Variants in NKIRAS1 observed in about 807,000 individuals in gnomAD.
NKIRAS1 encodes NF-kappa-B inhibitor-interacting Ras-like protein 1.
In NKIRAS1, 16 loss-of-function variants were observed where a neutral mutation model predicts 19.8. The observed-to-expected ratio is 0.81, with a 90% CI of 0.55 to 1.23. The LOEUF is 1.23. Ranked by LOEUF, NKIRAS1 falls within the 50% of genes most tolerant of loss-of-function variation. The probability of loss-of-function intolerance (pLI) is 0.00; values close to 1 mark genes in which losing one functional copy is unlikely to be tolerated. For synonymous variants in NKIRAS1, 88 were observed against 79.0 expected, an observed-to-expected ratio of 1.11 and a Z score of -0.61; for missense variants, 184 against 220.0, an observed-to-expected ratio of 0.84 and a Z score of 1.04.
chr3:23,920,522 T>G (rs1705018807), upstream of NKIRAS1: 2 of 985,188 alleles, frequency 2.0e-6, no homozygotes, highest in African/African-American at 1.7e-5. Flanking sequence ...GCATTTCTGT[T>G]TGCACCATGT....
chr3:23,939,761 AAAC>A (rs1199924943), intron 1 of NKIRAS1, among the ~76,000 whole-genome samples: 2 of 152,208 alleles, frequency 1.3e-5, no homozygotes, highest in Non-Finnish European at 2.9e-5. Context: ...ACAAACAAAC[AAAC>A]AAAAAACAAA....
In NKIRAS1 at chr3:23,901,019, A is replaced by G. The variant is rs184061112; in HGVS notation, c.125T>C (p.Val42Ala). Residue 42 changes from valine to alanine, a missense_variant, in exon 4 of 5, where the codon GTA becomes GCA. Physicochemically the swap from Val to Ala is moderately conservative, Grantham distance 64 (BLOSUM62 0). Transcript: ENST00000425478. Reference sequence around the variant, plus strand: ...GTCTGTTTCTACTGAAGCCATGTATACATCTTCCATTGTTTCGCAATCTTC... The same window carrying G: ...GTCTGTTTCTACTGAAGCCATGTATGCATCTTCCATTGTTTCGCAATCTTC... Reference protein sequence around the residue: ...GMEDCETMEDVYMASVETDRG... With the variant: ...GMEDCETMEDAYMASVETDRG... The G allele has an allele frequency of 4.3e-6, 7 of 1,614,124 alleles. No homozygotes were observed. In the Admixed American group the frequency reaches 8.3e-5, roughly 19 times the overall value.
chr3:23,914,076 T>C (rs1704043367), intron 1 of NKIRAS1, among the ~76,000 whole-genome samples: 1 of 152,130 alleles, frequency 6.6e-6, no homozygotes. Flanking sequence ...ATAGGCAAGA[T>C]TCAGGGCAGT....
intron 1 of NKIRAS1, among the ~76,000 whole-genome samples, chr3:23,912,616 T>G (rs528002695): frequency 6.6e-6 from 1 of 152,302 alleles, no homozygotes; most frequent in East Asian, 1.9e-4. Flanking sequence ...GCTCAGCCAT[T>G]GTGGAAGACA....
At chr3:23,897,966 A>C (rs931691901) in intron 4 of NKIRAS1, among the ~76,000 whole-genome samples, 1 of 152,208 alleles carries the variant, frequency 6.6e-6, no homozygotes, top group Non-Finnish European at 1.5e-5. Context: ...GGGATTGAAG[A>C]AGCATATGAG....
intron 1 of NKIRAS1, among the ~76,000 whole-genome samples, chr3:23,913,040 C>CAAAAAAA (rs1169515621): frequency 6.3e-5 from 3 of 47,702 alleles, no homozygotes; most frequent in African/African-American, 2.0e-4. Context: ...GACTCCGTCT[C>CAAAAAAA]AAAAAAAAAA....
chr3:23,921,737 G>T, upstream of NKIRAS1: 1 of 617,758 alleles, frequency 1.6e-6, no homozygotes. Flanking sequence ...GCCATGCCCA[G>T]CTAAGTTTTG....
intron 4 of NKIRAS1, among the ~76,000 whole-genome samples, chr3:23,899,414 T>C (rs962763871): frequency 2.6e-5 from 4 of 152,190 alleles, no homozygotes; most frequent in Non-Finnish European, 4.4e-5. Flanking sequence ...TATGCAAAAA[T>C]CTAAGTTAAG....
chr3:23,909,232 G>T lies in NKIRAS1; in HGVS notation c.94+1579C>A, dbSNP rs986265221. Among the ~76,000 whole-genome samples the T allele has an allele frequency of 3.9e-5, 6 of 152,200 alleles. 1 individual carries two copies. Among genetic ancestry groups the T allele is most frequent in the Admixed American group, 6.5e-5 (1 of 15,284 alleles). On this transcript the variant is annotated intron_variant, in intron 3 of 4. Transcript: ENST00000425478. ...ACATAGAAATGGTTAATGAAAAACAGAAATGTGGGCCAGGCGCAGTGGCTC... is the reference window on the plus strand; with the variant it reads ...ACATAGAAATGGTTAATGAAAAACATAAATGTGGGCCAGGCGCAGTGGCTC...
chr3:23,924,292 T>C (rs1330374948), intron 1 of NKIRAS1: 1 of 152,254 alleles, frequency 6.6e-6, no homozygotes, highest in East Asian at 1.9e-4. Context: ...ATGTTTGCTT[T>C]ACAGTGGCTT....
chr3:23,916,917 C>A lies in NKIRAS1; in HGVS notation c.-273G>T, dbSNP rs1704594663. 4 of 152,880 alleles carry A rather than the reference C, an allele frequency of 2.6e-5. No homozygotes were observed. The highest frequency in any genetic ancestry group is 6.8e-3 in the Middle Eastern group (2 of 296). The allele number at this position is 152,880 out of a possible 1,614,324, so 9.5% of individuals were successfully genotyped here. On this transcript the variant is annotated 5_prime_UTR_variant, in exon 1 of 5. Transcript: ENST00000425478. ...CGCTCGCTTAGCCGCCGAGACCTCG[C>A]CGCCAACTCTCTCACCTCTCGAGAC... is the stretch of plus-strand genomic sequence containing the variant.
At chr3:23,912,615 T>C (rs566910855) in intron 1 of NKIRAS1, among the ~76,000 whole-genome samples, 4 of 152,304 alleles carry the variant, frequency 2.6e-5, no homozygotes, top group South Asian at 4.1e-4. Flanking sequence ...AGCTCAGCCA[T>C]TGTGGAAGAC....
At chr3:23,909,858 T>G (rs546206764) in intron 3 of NKIRAS1, among the ~76,000 whole-genome samples, 19 of 117,566 alleles carry the variant, frequency 1.6e-4, no homozygotes, top group Admixed American at 7.5e-4. Context: ...GTTTTTGTTT[T>G]TTTTTGTTTT....
intron 3 of NKIRAS1, among the ~76,000 whole-genome samples, chr3:23,902,447 G>A (rs879384405): frequency 6.6e-6 from 1 of 152,160 alleles, no homozygotes; most frequent in African/African-American, 2.4e-5. Context: ...ATACCTGTCT[G>A]TGTCATCCTG....
intron 1 of NKIRAS1, among the ~76,000 whole-genome samples, chr3:23,940,705 T>C (rs6550818): frequency 0.64 from 97,427 of 151,938 alleles, 31,449 homozygotes; most frequent in Middle Eastern, 0.73. Context: ...AATCATTTTT[T>C]TAGTTAAAAA....
chr3:23,945,786 C>T (rs1010704560), intron 1 of NKIRAS1, among the ~76,000 whole-genome samples: 17 of 150,506 alleles, frequency 1.1e-4, no homozygotes, highest in Non-Finnish European at 2.2e-4. Context: ...CTCTTGTCTC[C>T]CTGCAAAGCC....
At chr3:23,906,519 T>C (rs1352077088) in intron 3 of NKIRAS1, among the ~76,000 whole-genome samples, 2 of 152,222 alleles carry the variant, frequency 1.3e-5, no homozygotes, top group African/African-American at 4.8e-5. Flanking sequence ...CTCTGCCACC[T>C]GACACAGCAA....
intron 1 of NKIRAS1, among the ~76,000 whole-genome samples, chr3:23,933,736 G>A (rs1705352333): frequency 6.6e-6 from 1 of 152,146 alleles, no homozygotes; most frequent in Admixed American, 6.5e-5. Flanking sequence ...TTTGAGGGAT[G>A]TCTTAGTCAC....
At chr3:23,917,814 A>G (rs770057700), upstream of NKIRAS1, 3 of 1,567,072 alleles carry the variant, frequency 1.9e-6, no homozygotes, top group Non-Finnish European at 2.6e-6. Flanking sequence ...TTGTACTTAA[A>G]GCGGATGATA....
Sources: gnomAD v4.1 joint callset for allele counts (sites outside exome capture counted in the v4.1 genomes callset) on GRCh38, gnomAD v4.1.1 for gene constraint, MANE v1.5 for transcripts, NCBI Gene and HGNC (gene_info 2026-07-23, HGNC 2026-07-21) for gene names.